The following SLC2A4 variants were observed in gnomAD, a reference collection of about 807,000 sequenced individuals.
SLC2A4 encodes the protein solute carrier family 2 member 4.
In SLC2A4, 31 loss-of-function variants were observed where a neutral mutation model predicts 53.3. The ratio of observed to expected loss-of-function variants is 0.58; its 90% CI spans 0.44 to 0.78. The LOEUF is 0.78. SLC2A4 is among the 30% of genes least tolerant of loss of function. The pLI, the probability that SLC2A4 is intolerant of heterozygous loss-of-function variation, is 0.00. For synonymous variants in SLC2A4, 276 were observed against 281.9 expected, an observed-to-expected ratio of 0.98 and a Z score of 0.21; for missense variants, 538 against 655.7, an observed-to-expected ratio of 0.82 and a Z score of 1.96.
Position 7,282,210 on chromosome 17 carries a change from G to T in SLC2A4, c.33+243G>T, listed in dbSNP as rs1297532784. On this transcript the variant is annotated intron_variant, in intron 1 of 10. Transcript: ENST00000317370. This position sits in a 1 kb window ranked among gnomAD's most constrained non-coding sequence, Gnocchi z 4.1. ...CAGCAAGTGGATTCTGCGAGCCAGG[G>T]TTCACCCCCTTGCCTAGTAGGCGGC... 1.9e-5 allele frequency: 12 copies of T among 625,340 alleles called. No homozygotes were observed. Among genetic ancestry groups the T allele is most frequent in the Non-Finnish European group, 3.5e-5 (12 of 341,690 alleles). The allele number at this position is 625,340 out of a possible 1,614,324, so 38.7% of individuals were successfully genotyped here.
rs72556548 is a variant in SLC2A4 at position 7,285,352 on chromosome 17, G to A, written c.1122+163G>A. On this transcript the variant is annotated intron_variant, in intron 9 of 10. Coordinates refer to ENST00000317370, the MANE Select transcript of SLC2A4 (RefSeq NM_001042.3). This position sits in a 1 kb window ranked among gnomAD's most constrained non-coding sequence, Gnocchi z 6.0. ...ACTGGCTCCAGAATCTGCTGGGATT[G>A]TGGTCTGCTCCTGAGGGATTTGGGC... is the stretch of plus-strand genomic sequence containing the variant. 6.6e-6 allele frequency among the ~76,000 whole-genome samples: 1 copy of A among 152,204 alleles called. No individual in the cohort carries two copies. Among genetic ancestry groups the A allele is most frequent in the Admixed American group, 6.5e-5 (1 of 15,280 alleles).
At position 7,284,859 on chromosome 17, in the gene SLC2A4, T is replaced by G; in HGVS notation, c.940T>G (p.Phe314Val). The change falls in exon 8 of 11, where the codon TTC (phenylalanine) becomes GTC (valine). Residue 314 changes from phenylalanine to valine, a missense_variant. Physicochemically the swap from Phe to Val is conservative, Grantham distance 50. Transcript: ENST00000317370. This position sits in a 1 kb window ranked among gnomAD's most constrained non-coding sequence, Gnocchi z 7.5. ...NAVFYYSTSI[F>V]ETAGVGQPAY... ...GGTTTTCTATTATTCGACCAGCATC[T>G]TCGAGACAGCAGGGGTAGGCCAGCC... 4.3e-6 allele frequency: 7 copies of G among 1,614,204 alleles called. No individual in the cohort carries two copies. Among genetic ancestry groups the G allele is most frequent in the Non-Finnish European group, 5.9e-6 (7 of 1,180,028 alleles).
rs1293815111 is a variant in SLC2A4 at position 7,283,064 on chromosome 17, C to T, written c.34-181C>T. 4.3e-6 allele frequency: 3 copies of T among 703,572 alleles called. No homozygotes were observed. In the Admixed American group the frequency reaches 6.0e-5, roughly 14 times the overall value. 43.6% of individuals were successfully genotyped at this position (703,572 alleles called of 1,614,324 possible). A position where few individuals can be genotyped will look rare whatever the true frequency, so the allele number is the denominator to read the frequency against. On this transcript the variant is annotated intron_variant, in intron 1 of 10. Coordinates refer to ENST00000317370, the MANE Select transcript of SLC2A4 (RefSeq NM_001042.3). This position sits in a 1 kb window ranked among gnomAD's most constrained non-coding sequence, Gnocchi z 5.8. ...CAGTTTCTCCTTTATGCCCAGGTTG[C>T]AGTTCAGCTCCTGTTTACATTGAGA...
rs1472730523 is a variant in SLC2A4, at chr17:7,281,864, C to A, written c.-71C>A. 13 of 1,488,922 alleles carry A rather than the reference C, an allele frequency of 8.7e-6. 1 individual carries two copies. In the South Asian group the frequency reaches 1.6e-4, roughly 18 times the overall value. 92.2% of individuals were successfully genotyped at this position (1,488,922 alleles called of 1,614,324 possible). On this transcript the variant is annotated 5_prime_UTR_variant, in exon 1 of 11. Coordinates refer to ENST00000317370, the MANE Select transcript of SLC2A4 (RefSeq NM_001042.3). ...CCTCCGCAGGTTCTGCGCTCCAGGC[C>A]GGAGTCAGAGACTCCAGGATCGGTT...
Position 7,285,962 on chromosome 17 carries a change from CAG to C in SLC2A4, c.1326+55_1326+56del. ...CCGTAGGCCAGAGGTGGGCATCACA[CAG>C]CTAGCCCACCTGCTTCCCCGTCAGG... On this transcript the variant is annotated intron_variant, in intron 10 of 10. Transcript: ENST00000317370. The surrounding 1 kb of genome is among the most constrained non-coding windows in gnomAD (Gnocchi z 6.0). 2 of 1,520,468 alleles carry C rather than the reference CAG, an allele frequency of 1.3e-6. No individual in the cohort carries two copies. Among genetic ancestry groups the C allele is most frequent in the Non-Finnish European group, 1.8e-6 (2 of 1,107,928 alleles). The allele number at this position is 1,520,468 out of a possible 1,614,324, so 94.2% of individuals were successfully genotyped here.
Position 7,285,269 on chromosome 17 carries a change from CCTT to C in SLC2A4, c.1122+84_1122+86del. The C allele has an allele frequency of 8.5e-7, 1 of 1,175,458 alleles. No individual in the cohort carries two copies. Among genetic ancestry groups the C allele is most frequent in the Non-Finnish European group, 1.2e-6 (1 of 814,158 alleles). 72.8% of individuals were successfully genotyped at this position (1,175,458 alleles called of 1,614,324 possible). ...TGAGTCTCTGTGACCAGCCAGGGTC[CCTT>C]CTTAACACACATGCTTTCAATCCTG... On this transcript the variant is annotated intron_variant, in intron 9 of 10. Coordinates refer to ENST00000317370, the MANE Select transcript of SLC2A4 (RefSeq NM_001042.3). The surrounding 1 kb of genome is among the most constrained non-coding windows in gnomAD (Gnocchi z 6.0).
Position 7,286,861 on chromosome 17 carries a change from TG to T in SLC2A4, c.*235del. The T allele has an allele frequency of 1.9e-6, 1 of 519,256 alleles. No individual in the cohort carries two copies. Among genetic ancestry groups the T allele is most frequent in the East Asian group, 3.5e-5 (1 of 28,594 alleles). The allele number at this position is 519,256 out of a possible 1,614,324, so 32.2% of individuals were successfully genotyped here. On this transcript the variant is annotated 3_prime_UTR_variant, in exon 11 of 11. Coordinates refer to ENST00000317370, the MANE Select transcript of SLC2A4 (RefSeq NM_001042.3). ...TGTGGTTTGGCCGTGGCCATCAGGG[TG>T]GGCCACTCTCCCCTCCCTCTTCCTT... is the stretch of plus-strand genomic sequence containing the variant.
rs150672037 is a variant in SLC2A4, at chr17:7,285,165, G to A, written c.1098G>A (p.Leu366=). Residue 366 remains leucine, a synonymous_variant, in exon 9 of 11, where the codon CTG becomes CTA. Coordinates refer to ENST00000317370, the MANE Select transcript of SLC2A4 (RefSeq NM_001042.3). The surrounding 1 kb of genome is among the most constrained non-coding windows in gnomAD (Gnocchi z 6.0). Reference sequence around the variant, plus strand: ...CGGGCATGTGTGGCTGTGCCATCCTGATGACTGTGGCTCTGCTCCTGCTGG... The same window carrying A: ...CGGGCATGTGTGGCTGTGCCATCCTAATGACTGTGGCTCTGCTCCTGCTGG... ...GLAGMCGCAI[L]MTVALLLLER... The A allele has an allele frequency of 9.4e-6, 15 of 1,601,838 alleles. No individual in the cohort carries two copies. The African/African-American group carries it at 1.9e-4, about 20-fold the overall frequency.
Position 7,283,549 on chromosome 17 carries a change from C to A in SLC2A4, c.227C>A (p.Thr76Asn). 1 of 1,613,980 alleles carries A rather than the reference C, an allele frequency of 6.2e-7. No homozygotes were observed. Among genetic ancestry groups the A allele is most frequent in the South Asian group, 1.1e-5 (1 of 91,068 alleles). ...PEGPSSIPPGTLTTLWALSVA... is the reference protein window; with the variant it reads ...PEGPSSIPPGNLTTLWALSVA... ...GGACCCAGCTCCATCCCTCCAGGCA[C>A]CCTCACCACCCTCTGGGCCCTCTCC... Residue 76 changes from threonine (T) to asparagine (N), a missense_variant, in exon 3 of 11, where the codon ACC becomes AAC. Thr to Asn is a moderately conservative substitution (Grantham distance 65). Transcript: ENST00000317370. This position sits in a 1 kb window ranked among gnomAD's most constrained non-coding sequence, Gnocchi z 5.8.
In SLC2A4 at chr17:7,286,416, C is replaced by A; in HGVS notation, c.1327-10C>A. On this transcript the variant is annotated splice_polypyrimidine_tract_variant and intron_variant, in intron 10 of 10. Transcript: ENST00000317370. Reference sequence around the variant, plus strand: ...CACTCCGTCAACACCTCTTTCTCCACCTGTCCCAGGAGGCTATGGGGCCCT... The same window carrying A: ...CACTCCGTCAACACCTCTTTCTCCAACTGTCCCAGGAGGCTATGGGGCCCT... 1.2e-6 allele frequency: 2 copies of A among 1,613,398 alleles called. No individual in the cohort carries two copies. Among genetic ancestry groups the A allele is most frequent in the Non-Finnish European group, 1.7e-6 (2 of 1,179,384 alleles).
At chr17:7,286,011 TG>T in intron 10 of SLC2A4, 103 bp downstream of exon 10, 2 of 1,051,460 alleles carry the variant, frequency 1.9e-6, no homozygotes, top group Non-Finnish European at 2.8e-6. Flanking sequence ...CCACAGACCA[TG>T]GGTCTTTGGG....
intron 10 of SLC2A4, chr17:7,286,117 G>C: frequency 1.6e-6 from 1 of 613,484 alleles, no homozygotes; most frequent in East Asian, 2.7e-5. Flanking sequence ...CGCACCAGTG[G>C]CATAACTTAC....
chr17:7,285,914 T>TC lies in SLC2A4; in HGVS notation c.1326+12dup. Reference sequence around the variant, plus strand: ...TGGGTTTCCAGTATGTTGCGGTAGGTCCCCCCGCCCCAGCCTCCCACACCG... The same window carrying TC: ...TGGGTTTCCAGTATGTTGCGGTAGGTCCCCCCCGCCCCAGCCTCCCACACCG... On this transcript the variant is annotated splice_region_variant and intron_variant, in intron 10 of 10. Coordinates refer to ENST00000317370, the MANE Select transcript of SLC2A4 (RefSeq NM_001042.3). This position sits in a 1 kb window ranked among gnomAD's most constrained non-coding sequence, Gnocchi z 6.0. 1 of 1,608,608 alleles carries TC rather than the reference T, an allele frequency of 6.2e-7. No individual in the cohort carries two copies.
Position 7,285,830 on chromosome 17 carries a change from C to T in SLC2A4, c.1248C>T (p.Arg416=). ...IVAELFSQGP[R]PAAMAVAGFS... is the part of the protein sequence containing the mutation. Reference sequence around the variant, plus strand: ...CCGAGCTCTTCAGCCAGGGACCCCGCCCGGCAGCCATGGCTGTGGCTGGTT... The same window carrying T: ...CCGAGCTCTTCAGCCAGGGACCCCGTCCGGCAGCCATGGCTGTGGCTGGTT... The change falls in exon 10 of 11, where the codon CGC becomes CGT. Residue 416 remains arginine (R), a synonymous_variant. Coordinates refer to ENST00000317370, the MANE Select transcript of SLC2A4 (RefSeq NM_001042.3). This position sits in a 1 kb window ranked among gnomAD's most constrained non-coding sequence, Gnocchi z 6.0. 1 of 1,614,218 alleles carries T rather than the reference C, an allele frequency of 6.2e-7. No individual in the cohort carries two copies. The highest frequency in any genetic ancestry group is 8.5e-7 in the Non-Finnish European group (1 of 1,180,030).
rs997922460 is a variant in SLC2A4, at chr17:7,282,089, G to A, written c.33+122G>A. ...CAGGCGCAGGGGGTGAAGGTAGGGGGCTGGCTATTTATACCCGGCCTGGAC... is the reference window on the plus strand; with the variant it reads ...CAGGCGCAGGGGGTGAAGGTAGGGGACTGGCTATTTATACCCGGCCTGGAC... On this transcript the variant is annotated intron_variant, in intron 1 of 10. Transcript: ENST00000317370. The surrounding 1 kb of genome is among the most constrained non-coding windows in gnomAD (Gnocchi z 4.1). 3.3e-5 allele frequency: 27 copies of A among 826,000 alleles called. No homozygotes were observed. The highest frequency in any genetic ancestry group is 5.5e-5 in the Non-Finnish European group (27 of 493,976). 51.2% of individuals were successfully genotyped at this position (826,000 alleles called of 1,614,324 possible). A position where few individuals can be genotyped will look rare whatever the true frequency, so the allele number is the denominator to read the frequency against.
chr17:7,284,205 C>T lies in SLC2A4; in HGVS notation c.565-12C>T. On this transcript the variant is annotated splice_polypyrimidine_tract_variant and intron_variant, in intron 5 of 10. Transcript: ENST00000317370. The surrounding 1 kb of genome is among the most constrained non-coding windows in gnomAD (Gnocchi z 7.5). The stretch of plus-strand genomic sequence containing the variant: ...TGAGTGACCTGCCTTCTTTCCCAAC[C>T]TTCTCCCACAGGTGCTGGGCTTGGA... 1 of 1,612,172 alleles carries T rather than the reference C, an allele frequency of 6.2e-7. No homozygotes were observed. The highest frequency in any genetic ancestry group is 1.1e-5 in the South Asian group (1 of 91,088).
chr17:7,281,857 T>C lies in SLC2A4; in HGVS notation c.-78T>C. ...CCCGCGGCCTCCGCAGGTTCTGCGC[T>C]CCAGGCCGGAGTCAGAGACTCCAGG... On this transcript the variant is annotated 5_prime_UTR_variant, in exon 1 of 11. Transcript: ENST00000317370. The C allele has an allele frequency of 6.7e-7, 1 of 1,494,000 alleles. No individual in the cohort carries two copies. Among genetic ancestry groups the C allele is most frequent in the Non-Finnish European group, 9.1e-7 (1 of 1,093,622 alleles). 92.5% of individuals were successfully genotyped at this position (1,494,000 alleles called of 1,614,324 possible). A position where few individuals can be genotyped will look rare whatever the true frequency, so the allele number is the denominator to read the frequency against.
chr17:7,283,352 C>G lies in SLC2A4; in HGVS notation c.141C>G (p.Ala47=). 1 of 1,613,248 alleles carries G rather than the reference C, an allele frequency of 6.2e-7. No homozygotes were observed. The highest frequency in any genetic ancestry group is 1.1e-5 in the South Asian group (1 of 91,072). The change falls in exon 2 of 11, where the codon GCC becomes GCG. Residue 47 remains alanine (A), a synonymous_variant. Coordinates refer to ENST00000317370, the MANE Select transcript of SLC2A4 (RefSeq NM_001042.3). The surrounding 1 kb of genome is among the most constrained non-coding windows in gnomAD (Gnocchi z 5.8). ...GGTACAACATTGGGGTCATCAATGCCCCTCAGAAGGTGAGGGCCTGCAGCT... is the reference window on the plus strand; with the variant it reads ...GGTACAACATTGGGGTCATCAATGCGCCTCAGAAGGTGAGGGCCTGCAGCT... ...QFGYNIGVIN[A]PQKVIEQSYN...
At position 7,286,652 on chromosome 17, in the gene SLC2A4, GCCAGCTCTCTCTACCCGGC is replaced by G. The variant is rs1436713136; in HGVS notation, c.*28_*46del. 6.2e-7 allele frequency: 1 copy of G among 1,603,432 alleles called. No individual in the cohort carries two copies. The highest frequency in any genetic ancestry group is 1.3e-5 in the African/African-American group (1 of 74,764). ...TGAGGGGCCAGGCAGGGGTGGGAGA[GCCAGCTCTCTCTACCCGGC>G]CCAGAGACCCCTTCCTTTCCTCTGC... On this transcript the variant is annotated 3_prime_UTR_variant, in exon 11 of 11. Coordinates refer to ENST00000317370, the MANE Select transcript of SLC2A4 (RefSeq NM_001042.3).
Sources: gnomAD v4.1 joint callset for allele counts (sites outside exome capture counted in the v4.1 genomes callset) on GRCh38, gnomAD v4.1.1 for gene constraint, Gnocchi (gnomAD v3.1) non-coding constraint, MANE v1.5 for transcripts, NCBI Gene and HGNC (gene_info 2026-07-23, HGNC 2026-07-21) for gene names.